MTRF1: variants seen among roughly 807,000 people sequenced by gnomAD.
MTRF1 encodes the protein mitochondrial translation release factor 1.
MTRF1 carries 51 observed loss-of-function variants against 62.9 expected under a neutral mutation model. The observed-to-expected ratio is 0.81, with a 90% CI of 0.65 to 1.02. The LOEUF (loss-of-function observed/expected upper bound fraction) is 1.02, where lower values mean the gene tolerates loss of function less well. MTRF1 is among the 50% of genes least tolerant of loss of function. The pLI is 0.00. For missense variants in MTRF1, 446 were observed against 530.0 expected, an observed-to-expected ratio of 0.84 and a Z score of 1.56; for synonymous variants, 158 against 181.9, an observed-to-expected ratio of 0.87 and a Z score of 1.06.
chr13:41,245,985 T>A (rs2038196424), intron 5 of MTRF1, among the ~76,000 whole-genome samples: 1 of 152,154 alleles, frequency 6.6e-6, no homozygotes, highest in Non-Finnish European at 1.5e-5. Flanking sequence ...TGGATCTGTT[T>A]TGAGAGGTCA....
intron 9 of MTRF1, chr13:41,220,550 T>C (rs1404903899): frequency 7.8e-7 from 1 of 1,279,056 alleles, no homozygotes; most frequent in Non-Finnish European, 1.0e-6. Flanking sequence ...ACAGAAGAAG[T>C]CATAATGAGA....
the MTRF1 span, chr13:41,311,646 C>T: frequency 1.7e-5 from 26 of 1,492,592 alleles, no homozygotes; most frequent in Non-Finnish European, 2.3e-5. Context: ...TAAGGGCAAG[C>T]GGTCTGGCGG....
rs762389415 is a variant in MTRF1 at position 41,240,311 on chromosome 13, G to C, written c.820C>G (p.Arg274Gly). 6.2e-7 allele frequency: 1 copy of C among 1,612,860 alleles called. No individual in the cohort carries two copies. The highest frequency in any genetic ancestry group is 1.3e-5 in the African/African-American group (1 of 74,878). The change falls in exon 6 of 10, where the codon CGC becomes GGC. Residue 274 changes from arginine (R) to glycine (G), a missense_variant. By Grantham distance (125) the Arg-to-Gly change is moderately radical. Coordinates refer to ENST00000379480, the MANE Select transcript of MTRF1 (RefSeq NM_004294.4). ...ACCGACATCGTTCCTGTGTGAATGC[G>C]CTGCATCCTTGAGGACAGGCCCACC... ...PEVGLSSRMQ[R>G]IHTGTMSVIV...
chr13:41,241,947 G>C (rs1027093975), intron 5 of MTRF1, among the ~76,000 whole-genome samples: 2 of 152,084 alleles, frequency 1.3e-5, no homozygotes, highest in Non-Finnish European at 2.9e-5. Flanking sequence ...GCATCACTGG[G>C]GTTACAAAAT....
the MTRF1 span, among the ~76,000 whole-genome samples, chr13:41,285,663 G>T: frequency 6.6e-6 from 1 of 152,200 alleles, no homozygotes; most frequent in African/African-American, 2.4e-5. Context: ...GGTAAGGGTA[G>T]AATTCTAGGG....
chr13:41,226,928 T>C (rs1465486796), intron 7 of MTRF1, among the ~76,000 whole-genome samples: 1 of 152,150 alleles, frequency 6.6e-6, no homozygotes, highest in African/African-American at 2.4e-5. Flanking sequence ...CCATTCTCTG[T>C]CCAACTCAAG....
upstream of MTRF1, among the ~76,000 whole-genome samples, chr13:41,265,715 A>G (rs1024168997): frequency 4.6e-5 from 7 of 152,170 alleles, no homozygotes. Flanking sequence ...GATGGTGGCC[A>G]CCTACAAGCC....
chr13:41,299,203 A>C, the MTRF1 span, among the ~76,000 whole-genome samples: 1 of 152,000 alleles, frequency 6.6e-6, no homozygotes, highest in Non-Finnish European at 1.5e-5. Context: ...AAAAAGAAAA[A>C]AAAAAGAGAG....
At chr13:41,218,276 A>T (rs936515823) in intron 9 of MTRF1, among the ~76,000 whole-genome samples, 1 of 140,874 alleles carries the variant, frequency 7.1e-6, no homozygotes, top group Non-Finnish European at 1.5e-5. Flanking sequence ...CTACACACCC[A>T]GCTAATTTTT....
chr13:41,273,331 A>AC, the MTRF1 span, among the ~76,000 whole-genome samples: 12 of 151,862 alleles, frequency 7.9e-5, no homozygotes, highest in Non-Finnish European at 1.8e-4. Flanking sequence ...GTCTCAAAAA[A>AC]AAAAAAAAAA....
intron 5 of MTRF1, among the ~76,000 whole-genome samples, chr13:41,246,324 T>C (rs2038252493): frequency 6.6e-6 from 1 of 152,086 alleles, no homozygotes; most frequent in South Asian, 2.1e-4. Flanking sequence ...TGATATCTAG[T>C]TGCTATATGT....
At chr13:41,229,958 A>T (rs2035215562) in intron 7 of MTRF1, among the ~76,000 whole-genome samples, 3 of 152,048 alleles carry the variant, frequency 2.0e-5, no homozygotes. Context: ...AAAATTAGCC[A>T]GGTGTGGTGG....
chr13:41,267,909 A>G (rs1347720005), upstream of MTRF1, among the ~76,000 whole-genome samples: 1 of 151,952 alleles, frequency 6.6e-6, no homozygotes, highest in East Asian at 1.9e-4. Context: ...TTTCTGAACA[A>G]TTTCTAGGAT....
the MTRF1 span, among the ~76,000 whole-genome samples, chr13:41,306,430 G>C: frequency 0.027 from 4,105 of 152,114 alleles, 111 homozygotes; most frequent in Non-Finnish European, 0.033. Flanking sequence ...ATGGAAGAGA[G>C]CAGAAACATC....
At chr13:41,292,219 A>G in the MTRF1 span, among the ~76,000 whole-genome samples, 2 of 152,202 alleles carry the variant, frequency 1.3e-5, no homozygotes, top group Non-Finnish European at 2.9e-5. Flanking sequence ...ATTTGTTACT[A>G]ATTCAAGGAT....
chr13:41,227,384 T>G (rs2034634305), intron 7 of MTRF1, among the ~76,000 whole-genome samples: 1 of 152,186 alleles, frequency 6.6e-6, no homozygotes, highest in African/African-American at 2.4e-5. Flanking sequence ...AGTGAATGTT[T>G]CTGAGTTTTC....
At chr13:41,290,001 T>C in the MTRF1 span, among the ~76,000 whole-genome samples, 1 of 151,894 alleles carries the variant, frequency 6.6e-6, no homozygotes, top group Non-Finnish European at 1.5e-5. Context: ...TTTCCAAGAG[T>C]TTGTTGAATC....
chr13:41,282,931 C>T, the MTRF1 span, among the ~76,000 whole-genome samples: 4 of 152,310 alleles, frequency 2.6e-5, no homozygotes, highest in African/African-American at 9.6e-5. Flanking sequence ...TCAGTAAAAA[C>T]CCAAACATAA....
In MTRF1 at chr13:41,260,916, C is replaced by A. The variant is rs987915939; in HGVS notation, c.-8-1G>T. 1 of 1,578,914 alleles carries A rather than the reference C, an allele frequency of 6.3e-7. No individual in the cohort carries two copies. The highest frequency in any genetic ancestry group is 8.6e-7 in the Non-Finnish European group (1 of 1,163,510). On this transcript the variant is annotated splice_acceptor_variant, in intron 1 of 9. Coordinates refer to ENST00000379480, the MANE Select transcript of MTRF1 (RefSeq NM_004294.4). LOFTEE classifies it low-confidence loss of function (5UTR_SPLICE). ...CACAGGTGACGATTCATCTCAGCAT[C>A]TGAAATACAATAAACACAGTCTTTA...
Sources: allele counts gnomAD v4.1 joint callset (sites outside exome capture counted in the v4.1 genomes callset), GRCh38; gene constraint gnomAD v4.1.1; transcripts MANE v1.5; gene names NCBI Gene and HGNC (gene_info 2026-07-23, HGNC 2026-07-21).